Variants in PCDHA2 observed in about 807,000 individuals in gnomAD.
PCDHA2 encodes protocadherin alpha-2.
PCDHA2 carries 58 observed loss-of-function variants against 66.0 expected under a neutral mutation model. The ratio of observed to expected loss-of-function variants is 0.88; its 90% CI spans 0.71 to 1.09. The LOEUF (loss-of-function observed/expected upper bound fraction) is 1.09. PCDHA2 is among the 50% of genes least tolerant of loss of function. The pLI is 0.00. For synonymous variants in PCDHA2, 634 were observed against 554.0 expected, an observed-to-expected ratio of 1.14 and a Z score of -2.03; for missense variants, 1,267 against 1,242.3, an observed-to-expected ratio of 1.02 and a Z score of -0.30.
intron 1 of PCDHA2, chr5:140,870,574 T>C (rs1429082420): frequency 6.2e-7 from 1 of 1,613,934 alleles, no homozygotes; most frequent in Non-Finnish European, 8.5e-7. Flanking sequence ...GCTGGTGTCC[T>C]ACTCGCTGGT....
intron 1 of PCDHA2, among the ~76,000 whole-genome samples, chr5:140,943,257 CAAAAAAAAAAA>C (rs1238620023): frequency 1.3e-5 from 1 of 77,574 alleles, no homozygotes. Flanking sequence ...GACTCTGTCT[CAAAAAAAAAAA>C]AAAAAAAAAG....
intron 1 of PCDHA2, among the ~76,000 whole-genome samples, chr5:140,951,497 A>G (rs2094591184): frequency 6.6e-6 from 1 of 152,030 alleles, no homozygotes; most frequent in Non-Finnish European, 1.5e-5. Flanking sequence ...GGTGGAAGGC[A>G]AAAGGAAAGC....
At position 140,882,112 on chromosome 5, in the gene PCDHA2, C is replaced by A. The variant is rs1399071152; in HGVS notation, c.2388+84760C>A. On this transcript the variant is annotated intron_variant, in intron 1 of 3. Transcript: ENST00000526136. ...CTGAGAACGTTTCCGCGAAGAAAGC[C>A]GCCGTTTCTTTCTTCCTGCAGAAAA... 4 of 1,384,574 alleles carry A rather than the reference C, an allele frequency of 2.9e-6. No individual in the cohort carries two copies. The Admixed American group carries it at 7.3e-5, about 25-fold the overall frequency. 85.8% of individuals were successfully genotyped at this position (1,384,574 alleles called of 1,614,324 possible).
chr5:140,996,111 G>C (rs981356405), intron 3 of PCDHA2, among the ~76,000 whole-genome samples: 1 of 152,220 alleles, frequency 6.6e-6, no homozygotes, highest in East Asian at 1.9e-4. Context: ...GTATGGAAGT[G>C]TGCAGGGTGG....
At chr5:140,876,745 G>T (rs782242909) in intron 1 of PCDHA2, 2 of 1,614,264 alleles carry the variant, frequency 1.2e-6, no homozygotes, top group South Asian at 2.2e-5. Flanking sequence ...TGAGCTGGTG[G>T]TGACTGCGCG....
At chr5:140,931,791 T>A (rs1168945699) in intron 1 of PCDHA2, among the ~76,000 whole-genome samples, 1 of 152,016 alleles carries the variant, frequency 6.6e-6, no homozygotes, top group African/African-American at 2.4e-5. Context: ...CCTATTGATC[T>A]GATCTTAATT....
At chr5:140,943,278 G>A (rs246067) in intron 1 of PCDHA2, among the ~76,000 whole-genome samples, 37,737 of 121,894 alleles carry the variant, frequency 0.31, 6,744 homozygotes, top group East Asian at 0.43. Flanking sequence ...AAAAAAAAAA[G>A]AAAGAAAGAA....
chr5:140,862,813 T>C lies in PCDHA2; in HGVS notation c.2388+65461T>C. 2 of 571,594 alleles carry C rather than the reference T, an allele frequency of 3.5e-6. 1 individual carries two copies. Among genetic ancestry groups the C allele is most frequent in the Non-Finnish European group, 6.7e-6 (2 of 297,160 alleles). The allele number at this position is 571,594 out of a possible 1,614,324, so 35.4% of individuals were successfully genotyped here. On this transcript the variant is annotated intron_variant, in intron 1 of 3. Coordinates refer to ENST00000526136, the MANE Select transcript of PCDHA2 (RefSeq NM_018905.3). ...CGAGGAGCTGGAGCTGCTGCAGTTC[T>C]AGGTGAGAGCGCGCGACGCGGGCAT... is the stretch of plus-strand genomic sequence containing the variant.
At chr5:140,808,775 C>G (rs1764260892) in intron 1 of PCDHA2, 2 of 1,612,378 alleles carry the variant, frequency 1.2e-6, no homozygotes, top group Non-Finnish European at 8.5e-7. Context: ...GGAGCTAGAG[C>G]TGCTGCAGTT....
intron 1 of PCDHA2, chr5:140,862,653 G>A: frequency 1.8e-6 from 1 of 544,670 alleles, no homozygotes; most frequent in Non-Finnish European, 3.7e-6. Context: ...TGTCCGCGCG[G>A]GACCGGGACG....
At chr5:140,877,141 G>T (rs1554169360) in intron 1 of PCDHA2, 2 of 1,613,680 alleles carry the variant, frequency 1.2e-6, no homozygotes, top group African/African-American at 1.3e-5. Flanking sequence ...GTTCGTGCTG[G>T]ACGAGAACGA....
intron 1 of PCDHA2, among the ~76,000 whole-genome samples, chr5:140,800,826 G>C (rs1267371485): frequency 6.6e-6 from 1 of 152,162 alleles, no homozygotes; most frequent in African/African-American, 2.4e-5. Context: ...TCATGAATTA[G>C]CACAATTGAT....
chr5:140,855,741 A>C, intron 1 of PCDHA2: 2 of 313,634 alleles, frequency 6.4e-6, no homozygotes, highest in Non-Finnish European at 5.9e-6. Flanking sequence ...AAGAGACGTA[A>C]TGTGAGGCTT....
chr5:140,850,016 C>A, intron 1 of PCDHA2: 1 of 1,596,912 alleles, frequency 6.3e-7, no homozygotes. Context: ...TGTCGAGCTA[C>A]GTGTCAGTGC....
intron 1 of PCDHA2, among the ~76,000 whole-genome samples, chr5:140,885,674 C>A (rs1041500524): frequency 2.1e-4 from 32 of 152,192 alleles, no homozygotes; most frequent in African/African-American, 7.0e-4. Flanking sequence ...AGCACTCTTT[C>A]TATCTCAAGA....
intron 1 of PCDHA2, among the ~76,000 whole-genome samples, chr5:140,957,650 C>T (rs1239447979): frequency 1.3e-5 from 2 of 151,848 alleles, no homozygotes; most frequent in Non-Finnish European, 2.9e-5. Flanking sequence ...CTTAAATATT[C>T]AATCATGGAG....
rs2150454845 is a variant in PCDHA2, at chr5:140,849,865, A to G, written c.2388+52513A>G. On this transcript the variant is annotated intron_variant, in intron 1 of 3. Coordinates refer to ENST00000526136, the MANE Select transcript of PCDHA2 (RefSeq NM_018905.3). ...AACGACAACGCACCAGCGTTCGCGC[A>G]GTCCGAGTACACGGTGTTCGTGAAG... The G allele has an allele frequency of 3.1e-6, 5 of 1,598,572 alleles. 1 individual carries two copies. The Admixed American group carries it at 8.4e-5, about 27-fold the overall frequency.
At chr5:140,826,934 G>C (rs1192705662) in intron 1 of PCDHA2, among the ~76,000 whole-genome samples, 1 of 152,116 alleles carries the variant, frequency 6.6e-6, no homozygotes, top group East Asian at 1.9e-4. Flanking sequence ...GGACTTAGGT[G>C]GATGTGGAAT....
At chr5:140,891,504 A>G (rs1225432214) in intron 1 of PCDHA2, among the ~76,000 whole-genome samples, 1 of 151,662 alleles carries the variant, frequency 6.6e-6, no homozygotes, top group Non-Finnish European at 1.5e-5. Context: ...CTCAGCTATA[A>G]TGTTCTCCAA....
Sources: gnomAD v4.1 joint callset for allele counts (sites outside exome capture counted in the v4.1 genomes callset) on GRCh38, gnomAD v4.1.1 for gene constraint, MANE v1.5 for transcripts, NCBI Gene and HGNC (gene_info 2026-07-23, HGNC 2026-07-21) for gene names.